LINGO2: variants seen among roughly 807,000 people sequenced by gnomAD.
LINGO2 encodes the protein leucine-rich repeat and immunoglobulin-like domain-containing nogo receptor-interacting protein 2.
In LINGO2, 14 loss-of-function variants were observed where a neutral mutation model predicts 30.6. That is an observed-to-expected ratio of 0.46 (90% CI 0.30 to 0.72). The LOEUF is 0.72. Ranked by LOEUF, LINGO2 falls within the 30% of genes least tolerant of loss-of-function variation. The pLI is 0.07. For missense variants in LINGO2, 729 were observed against 751.7 expected (o/e 0.97, Z 0.35); for synonymous variants, 317 against 288.5 (o/e 1.10, Z -1.00).
the LINGO2 span, among the ~76,000 whole-genome samples, chr9:28,836,340 G>A: frequency 1.3e-5 from 2 of 152,086 alleles, no homozygotes; most frequent in African/African-American, 4.8e-5. Flanking sequence ...TTTAGATGGA[G>A]TTTTGCTCTT....
chr9:29,009,009 A>G, the LINGO2 span, among the ~76,000 whole-genome samples: 1 of 152,172 alleles, frequency 6.6e-6, no homozygotes, highest in African/African-American at 2.4e-5. Context: ...ACTCTCAATA[A>G]ATTAGGTATT....
intron 2 of LINGO2, among the ~76,000 whole-genome samples, chr9:28,445,512 A>AG (rs1413436407): frequency 3.3e-5 from 5 of 152,250 alleles, no homozygotes; most frequent in African/African-American, 1.2e-4. Flanking sequence ...AGGCTTGTGA[A>AG]GGAGACAAAA....
intron 4 of LINGO2, among the ~76,000 whole-genome samples, chr9:28,244,489 A>C (rs868260526): frequency 6.6e-6 from 1 of 152,076 alleles, no homozygotes; most frequent in Non-Finnish European, 1.5e-5. Flanking sequence ...GAAACAAAAA[A>C]CCCTTCAAAA....
chr9:28,224,248 T>C (rs1821068434), intron 4 of LINGO2, among the ~76,000 whole-genome samples: 2 of 152,242 alleles, frequency 1.3e-5, no homozygotes, highest in East Asian at 3.9e-4. Context: ...CTATTTTTAG[T>C]AGAGACGGGG....
chr9:29,082,777 T>C, the LINGO2 span, among the ~76,000 whole-genome samples: 1 of 152,124 alleles, frequency 6.6e-6, no homozygotes, highest in Admixed American at 6.6e-5. Context: ...GCGAAGGATA[T>C]GAACAGACAC....
intron 4 of LINGO2, among the ~76,000 whole-genome samples, chr9:28,290,917 T>G (rs1823703899): frequency 6.6e-6 from 1 of 151,944 alleles, no homozygotes; most frequent in Non-Finnish European, 1.5e-5. Context: ...GATAATTAAC[T>G]CTCCCACCCC....
intron 5 of LINGO2, among the ~76,000 whole-genome samples, chr9:27,980,550 T>C (rs1483462907): frequency 6.6e-6 from 1 of 151,982 alleles, no homozygotes; most frequent in Admixed American, 6.6e-5. Flanking sequence ...ACAAGATGAT[T>C]AGCATGTCTT....
At chr9:28,749,553 T>A in the LINGO2 span, among the ~76,000 whole-genome samples, 1 of 151,974 alleles carries the variant, frequency 6.6e-6, no homozygotes, top group East Asian at 1.9e-4. Flanking sequence ...GCTTATTGGG[T>A]TTGTCAAATT....
rs142260916 is a variant in LINGO2, at chr9:28,373,750, A to G, written c.-278-882T>C. 5.5e-3 allele frequency among the ~76,000 whole-genome samples: 842 copies of G among 152,128 alleles called. 26 individuals are homozygous for G. The East Asian group carries it at 0.098, about 18-fold the overall frequency. Reference sequence around the variant, plus strand: ...CCCCATCTTTACTAAAAATACAAAAATTAGTTGGGCATGGTGGCGTGCGCC... The same window carrying G: ...CCCCATCTTTACTAAAAATACAAAAGTTAGTTGGGCATGGTGGCGTGCGCC... On this transcript the variant is annotated intron_variant, in intron 2 of 5. Transcript: ENST00000379992.
intron 2 of LINGO2, among the ~76,000 whole-genome samples, chr9:28,450,753 C>T (rs1824617099): frequency 6.6e-6 from 1 of 152,014 alleles, no homozygotes; most frequent in South Asian, 2.1e-4. Context: ...CTATTAAAAA[C>T]ATAATCTTTA....
chr9:28,163,486 C>A (rs1469371331), intron 4 of LINGO2, among the ~76,000 whole-genome samples: 1 of 151,868 alleles, frequency 6.6e-6, no homozygotes, highest in African/African-American at 2.4e-5. Context: ...GATAAAAATA[C>A]CTAAAATGCA....
At chr9:28,018,626 TACAAA>T (rs1822959730) in intron 4 of LINGO2, among the ~76,000 whole-genome samples, 1 of 151,714 alleles carries the variant, frequency 6.6e-6, no homozygotes, top group South Asian at 2.1e-4. Flanking sequence ...GAAATGCAAA[TACAAA>T]CCACAATGAG....
chr9:28,549,772 GA>G (rs1345911918), intron 1 of LINGO2, among the ~76,000 whole-genome samples: 1 of 151,374 alleles, frequency 6.6e-6, no homozygotes, highest in Non-Finnish European at 1.5e-5. Context: ...ACATATAACA[GA>G]TAAATTTTAT....
chr9:28,479,906 C>CGTGT (rs1825876776), intron 1 of LINGO2, among the ~76,000 whole-genome samples: 1 of 98,130 alleles, frequency 1.0e-5, no homozygotes, highest in Non-Finnish European at 2.0e-5. Flanking sequence ...TGTATATATA[C>CGTGT]GTAGGTATAT....
At chr9:28,761,502 A>ATG in the LINGO2 span, among the ~76,000 whole-genome samples, 4 of 135,246 alleles carry the variant, frequency 3.0e-5, no homozygotes, top group Non-Finnish European at 6.6e-5. Context: ...ACACACACGC[A>ATG]CACACACGTG....
intron 1 of LINGO2, among the ~76,000 whole-genome samples, chr9:28,569,533 C>G (rs1227559472): frequency 6.7e-6 from 1 of 150,358 alleles, no homozygotes; most frequent in Non-Finnish European, 1.5e-5. Context: ...AAGCCAGACA[C>G]AGAAAGACAA....
the LINGO2 span, among the ~76,000 whole-genome samples, chr9:28,917,021 C>A: frequency 6.6e-6 from 1 of 152,176 alleles, no homozygotes; most frequent in Admixed American, 6.5e-5. Flanking sequence ...ATAATTCCCA[C>A]ATCCGTTGCT....
chr9:28,673,628 C>T (rs1008448934), upstream of LINGO2, among the ~76,000 whole-genome samples: 1 of 152,016 alleles, frequency 6.6e-6, no homozygotes, highest in African/African-American at 2.4e-5. Context: ...GATCACGCCA[C>T]TACACTCCAC....
At chr9:28,031,549 CACTT>C (rs1026895177) in intron 4 of LINGO2, among the ~76,000 whole-genome samples, 1 of 152,222 alleles carries the variant, frequency 6.6e-6, no homozygotes, top group Admixed American at 6.5e-5. Context: ...TAGGATCTGC[CACTT>C]ACTTGCTGTG....
Sources: allele counts gnomAD v4.1 joint callset (sites outside exome capture counted in the v4.1 genomes callset), GRCh38; gene constraint gnomAD v4.1.1; transcripts MANE v1.5; gene names NCBI Gene and HGNC (gene_info 2026-07-23, HGNC 2026-07-21).